Variants in AFMID observed in about 807,000 individuals in gnomAD.
The protein encoded by AFMID is arylformamidase.
A neutral mutation model predicts 47.5 loss-of-function variants in AFMID; 39 were observed. That is an observed-to-expected ratio of 0.82 (90% CI 0.64 to 1.07). AFMID has a LOEUF of 1.07. Among genes scored for constraint, AFMID ranks in the 50% least tolerant of loss-of-function variants. The pLI is 0.00. For synonymous variants in AFMID, 130 were observed against 153.2 expected (o/e 0.85, Z 1.12); for missense variants, 375 against 387.5 (o/e 0.97, Z 0.27).
chr17:78,207,026 G>A lies in AFMID; in HGVS notation c.*89G>A. 1.4e-6 allele frequency: 2 copies of A among 1,379,734 alleles called. No homozygotes were observed. The highest frequency in any genetic ancestry group is 2.3e-5 in the East Asian group (1 of 43,750). The allele number at this position is 1,379,734 out of a possible 1,614,324, so 85.5% of individuals were successfully genotyped here. A position where few individuals can be genotyped will look rare whatever the true frequency, so the allele number is the denominator to read the frequency against. On this transcript the variant is annotated 3_prime_UTR_variant, in exon 11 of 11. Transcript: ENST00000409257. ...TTCGGAGCTGACACTGACAGCTTCA[G>A]TTTCCCCCAGCACCCAGGAGAGCCT...
chr17:78,193,496 T>C (rs534247575), intron 2 of AFMID, among the ~76,000 whole-genome samples: 34 of 150,518 alleles, frequency 2.3e-4, no homozygotes, highest in African/African-American at 7.1e-4. Flanking sequence ...GCACGCACTA[T>C]TGAAACTTCA....
At chr17:78,189,259 GT>G (rs1469294337) in intron 1 of AFMID, among the ~76,000 whole-genome samples, 1 of 122,132 alleles carries the variant, frequency 8.2e-6, no homozygotes, top group Non-Finnish European at 1.6e-5. Context: ...TCTCGCTGTT[GT>G]CACCCAGGCT....
In AFMID at chr17:78,204,946, G is replaced by A. The variant is rs369384475; in HGVS notation, c.467+46G>A. The A allele has an allele frequency of 7.5e-6, 12 of 1,610,584 alleles. No individual in the cohort carries two copies. The African/African-American group carries it at 9.3e-5, about 13-fold the overall frequency. ...TTCTTCCTGTTGGACCTCAGTGGGT[G>A]GGAGGACAGTGCAATCAGTACCTAG... On this transcript the variant is annotated intron_variant, in intron 6 of 10. Coordinates refer to ENST00000409257, the MANE Select transcript of AFMID (RefSeq NM_001010982.5).
chr17:78,205,499 G>T lies in AFMID; in HGVS notation c.625G>T (p.Val209Phe). 1.2e-6 allele frequency: 2 copies of T among 1,614,112 alleles called. No individual in the cohort carries two copies. The highest frequency in any genetic ancestry group is 1.7e-6 in the Non-Finnish European group (2 of 1,180,016). The change falls in exon 8 of 11, where the codon GTT becomes TTT. Residue 209 changes from valine to phenylalanine, a missense_variant. Physicochemically the swap from Val to Phe is conservative, Grantham distance 50. Transcript: ENST00000409257. ...GCCCATCGTGTATACTTCACAGAAC[G>T]TTGCTCTCCAGCTGACCCTGTGAGT... is the stretch of plus-strand genomic sequence containing the variant. Reference protein sequence around the residue: ...LEPIVYTSQNVALQLTLEDAQ... With the variant: ...LEPIVYTSQNFALQLTLEDAQ...
chr17:78,197,104 T>G, intron 2 of AFMID: 2 of 1,511,672 alleles, frequency 1.3e-6, no homozygotes, highest in Non-Finnish European at 1.8e-6. Context: ...TCCATGATGT[T>G]TTTCTTAATC....
chr17:78,206,630 C>T (rs535678211), intron 10 of AFMID, among the ~76,000 whole-genome samples: 21 of 114,180 alleles, frequency 1.8e-4, no homozygotes, highest in African/African-American at 6.3e-4. Context: ...TGGTCGTCGT[C>T]GTCTTCCTTC....
intron 2 of AFMID, among the ~76,000 whole-genome samples, chr17:78,194,210 A>G (rs1204682456): frequency 2.0e-5 from 3 of 151,380 alleles, no homozygotes; most frequent in Non-Finnish European, 1.5e-5. Flanking sequence ...TCCTGGGTTC[A>G]AGCCATTCTT....
intron 2 of AFMID, among the ~76,000 whole-genome samples, chr17:78,196,636 G>A (rs911147194): frequency 1.1e-4 from 16 of 151,706 alleles, no homozygotes; most frequent in Admixed American, 2.6e-4. Context: ...TCGAGACCAC[G>A]CCATTGCACT....
chr17:78,192,863 C>T (rs1381097473), intron 2 of AFMID: 1 of 266,958 alleles, frequency 3.7e-6, no homozygotes, highest in African/African-American at 2.3e-5. Flanking sequence ...AGGCAGATGC[C>T]TGGGCTCCTG....
chr17:78,189,830 G>GTTTTTTTTT (rs770053983), intron 1 of AFMID, among the ~76,000 whole-genome samples: 1 of 109,446 alleles, frequency 9.1e-6, no homozygotes, highest in Non-Finnish European at 1.9e-5. Context: ...TTTTCTGTTG[G>GTTTTTTTTT]TTTTTTTTTT....
intron 2 of AFMID, among the ~76,000 whole-genome samples, chr17:78,197,782 A>G (rs990886446): frequency 6.6e-6 from 1 of 151,948 alleles, no homozygotes; most frequent in Non-Finnish European, 1.5e-5. Context: ...ACCCAGGACA[A>G]GCAGTGGAGG....
chr17:78,189,800 G>A (rs1382472611), intron 1 of AFMID, among the ~76,000 whole-genome samples: 1 of 150,946 alleles, frequency 6.6e-6, no homozygotes, highest in Non-Finnish European at 1.5e-5. Flanking sequence ...GATTACAGGC[G>A]AGAGCCACCG....
At position 78,206,510 on chromosome 17, in the gene AFMID, G is replaced by A. The variant is rs28408232; in HGVS notation, c.886-401G>A. ...TCTCTGCTGCCTCCTGGGCTCAAGTGGTTATCCTGCCCCAGCCTCTCGAGT... is the reference window on the plus strand; with the variant it reads ...TCTCTGCTGCCTCCTGGGCTCAAGTAGTTATCCTGCCCCAGCCTCTCGAGT... On this transcript the variant is annotated intron_variant, in intron 10 of 10. Coordinates refer to ENST00000409257, the MANE Select transcript of AFMID (RefSeq NM_001010982.5). Among the ~76,000 whole-genome samples, 895 of 151,814 alleles carry A rather than the reference G, an allele frequency of 5.9e-3. 10 individuals are homozygous for A. The highest frequency in any genetic ancestry group is 0.017 in the African/African-American group (695 of 41,418).
intron 1 of AFMID, among the ~76,000 whole-genome samples, chr17:78,188,660 G>A (rs540635034): frequency 2.6e-5 from 4 of 151,952 alleles, no homozygotes; most frequent in Admixed American, 2.0e-4. Context: ...GCAGTGGCGC[G>A]ATCTGGGCTC....
chr17:78,201,293 CAA>C (rs200594725), intron 2 of AFMID, among the ~76,000 whole-genome samples: 5 of 117,970 alleles, frequency 4.2e-5, no homozygotes, highest in Non-Finnish European at 1.8e-5. Flanking sequence ...GACTCCGTCG[CAA>C]AAAAAAAAAA....
chr17:78,204,851 C>A lies in AFMID; in HGVS notation c.418C>A (p.Gln140Lys), dbSNP rs778899836. ...AGGCACCCTGGACCACATGGTAGAC[C>A]AGGTGACCCGCAGCGTTGCGTTTGT... ...PKGTLDHMVD[Q>K]VTRSVAFVQK... Residue 140 changes from glutamine to lysine, a missense_variant, in exon 6 of 11, where the codon CAG becomes AAG. Coordinates refer to ENST00000409257, the MANE Select transcript of AFMID (RefSeq NM_001010982.5). The A allele has an allele frequency of 3.1e-6, 5 of 1,614,216 alleles. 1 individual carries two copies. Among genetic ancestry groups the A allele is most frequent in the Middle Eastern group, 3.3e-4 (2 of 6,062 alleles).
intron 2 of AFMID, chr17:78,197,032 T>G: frequency 1.2e-6 from 1 of 861,006 alleles, no homozygotes; most frequent in Non-Finnish European, 1.9e-6. Context: ...GAGAGGCTTA[T>G]GCATGATAAT....
rs372783849 is a variant in AFMID, at chr17:78,202,486, A to G, written c.155-13A>G. The G allele has an allele frequency of 1.9e-6, 3 of 1,613,506 alleles. No individual in the cohort carries two copies. The highest frequency in any genetic ancestry group is 2.5e-6 in the Non-Finnish European group (3 of 1,179,510). On this transcript the variant is annotated splice_polypyrimidine_tract_variant and intron_variant, in intron 2 of 10. Transcript: ENST00000409257. ...AGCTTGTGCTGACAGCGACTTGTCCATTTCTGAGACAGCCACCACAAGGGC... is the reference window on the plus strand; with the variant it reads ...AGCTTGTGCTGACAGCGACTTGTCCGTTTCTGAGACAGCCACCACAAGGGC...
At position 78,187,406 on chromosome 17, in the gene AFMID, G is replaced by C. The variant is rs752967953; in HGVS notation, c.36G>C (p.Lys12Asn). 3 of 1,613,874 alleles carry C rather than the reference G, an allele frequency of 1.9e-6. No individual in the cohort carries two copies. The African/African-American group carries it at 4.0e-5, about 22-fold the overall frequency. ...TGTCTGGTGTGGGTTTCCCAAGCAA[G>C]GTTCCTTGGAAGAAGATGTCTGCAG... ...MDVSGVGFPS[K>N]VPWKKMSAEE... Residue 12 changes from lysine (K) to asparagine (N), a missense_variant, in exon 1 of 11, where the codon AAG becomes AAC. Transcript: ENST00000409257.
Sources: allele counts gnomAD v4.1 joint callset (sites outside exome capture counted in the v4.1 genomes callset), GRCh38; gene constraint gnomAD v4.1.1; transcripts MANE v1.5; gene names NCBI Gene and HGNC (gene_info 2026-07-23, HGNC 2026-07-21).